Variants in HDAC8 observed in about 807,000 individuals in gnomAD.
HDAC8 encodes the protein histone deacetylase-like 1.
Under a neutral mutation model 32.2 loss-of-function variants are expected in HDAC8, and 1 was observed. The observed-to-expected ratio is 0.03, with a 90% CI of 0.01 to 0.15. HDAC8 has a LOEUF of 0.15. Among genes scored for constraint, HDAC8 ranks in the 10% least tolerant of loss-of-function variants. The pLI is 1.00. For missense variants in HDAC8, 117 were observed against 300.0 expected, an observed-to-expected ratio of 0.39 and a Z score of 4.51; for synonymous variants, 108 against 113.9, an observed-to-expected ratio of 0.95 and a Z score of 0.33.
At chrX:72,527,858 C>G (rs1361326999) in intron 4 of HDAC8, among the ~76,000 whole-genome samples, 1 of 105,786 alleles carries the variant, frequency 9.5e-6, no homozygotes, top group Non-Finnish European at 1.9e-5. Context: ...TCACTGCAAC[C>G]TCCGCCTCCT....
chrX:72,549,732 A>G (rs1347600078), intron 4 of HDAC8, among the ~76,000 whole-genome samples: 3 of 111,071 alleles, frequency 2.7e-5, no homozygotes, highest in African/African-American at 6.5e-5. Context: ...AATCTAGACC[A>G]CCCCTTCCTT....
chrX:72,495,513 C>T (rs1180429503), intron 4 of HDAC8, among the ~76,000 whole-genome samples: 1 of 111,830 alleles, frequency 8.9e-6, no homozygotes, highest in South Asian at 3.7e-4. Context: ...ATTTTCAAAG[C>T]ATTAGAATAT....
rs1413644649 is a variant in HDAC8, at chrX:72,444,964, C to A, written c.1005+17040G>T. On this transcript the variant is annotated intron_variant, in intron 9 of 10. Coordinates refer to ENST00000373573, the MANE Select transcript of HDAC8 (RefSeq NM_018486.3). ...CAAAGAGAATAAAATACCTAGGAATCCAACTTACAAGGGACGTGAAGGACC... is the reference window on the plus strand; with the variant it reads ...CAAAGAGAATAAAATACCTAGGAATACAACTTACAAGGGACGTGAAGGACC... Among the ~76,000 whole-genome samples, 27 of 105,042 alleles carry A rather than the reference C, an allele frequency of 2.6e-4. No homozygotes were observed. In the East Asian group the frequency reaches 5.8e-3, roughly 23 times the overall value. 91.2% of individuals were successfully genotyped at this position (105,042 alleles called of 115,157 possible). A position where few individuals can be genotyped will look rare whatever the true frequency, so the allele number is the denominator to read the frequency against.
chrX:72,480,807 A>T (rs1328931746), intron 7 of HDAC8, among the ~76,000 whole-genome samples: 3 of 111,310 alleles, frequency 2.7e-5, no homozygotes, highest in Non-Finnish European at 5.7e-5. Flanking sequence ...ACTGGAACAG[A>T]AAACCAAACA....
intron 9 of HDAC8, among the ~76,000 whole-genome samples, chrX:72,406,638 T>C (rs1483112420): frequency 8.9e-6 from 1 of 112,271 alleles, no homozygotes. Flanking sequence ...CCACAAAATC[T>C]CAGTAATAAT....
chrX:72,356,297 G>A (rs1246796665), intron 9 of HDAC8, among the ~76,000 whole-genome samples: 4 of 111,309 alleles, frequency 3.6e-5, no homozygotes, highest in African/African-American at 1.3e-4. Flanking sequence ...GGGAGGCAGA[G>A]AGTATGAAAC....
chrX:72,441,925 A>G (rs782170414), intron 9 of HDAC8, among the ~76,000 whole-genome samples: 347 of 111,952 alleles, frequency 3.1e-3, no homozygotes, highest in Non-Finnish European at 4.8e-3. Flanking sequence ...AACTGGAAGA[A>G]AGGGTATCAG....
At chrX:72,404,395 G>C (rs782458638) in intron 9 of HDAC8, among the ~76,000 whole-genome samples, 2 of 111,112 alleles carry the variant, frequency 1.8e-5, no homozygotes, top group Non-Finnish European at 3.8e-5. Context: ...TCTAATCCAT[G>C]ACAACATGAC....
intron 6 of HDAC8, among the ~76,000 whole-genome samples, chrX:72,490,562 A>G (rs782529858): frequency 6.6e-5 from 6 of 90,288 alleles, no homozygotes; most frequent in Admixed American, 2.8e-4. Context: ...ATGAGAACAC[A>G]TGGACACAGG....
intron 9 of HDAC8, among the ~76,000 whole-genome samples, chrX:72,423,443 T>C (rs1173580942): frequency 2.7e-5 from 3 of 111,960 alleles, no homozygotes; most frequent in African/African-American, 9.7e-5. Flanking sequence ...TAGTTGTTTT[T>C]CAATTTTTTA....
At chrX:72,570,649 CA>C (rs1357605736) in intron 2 of HDAC8, among the ~76,000 whole-genome samples, 6 of 105,204 alleles carry the variant, frequency 5.7e-5, no homozygotes, top group Non-Finnish European at 7.8e-5. Context: ...TTAAAAGGTA[CA>C]AAATGATTTT....
chrX:72,558,485 C>A (rs1356848312), intron 4 of HDAC8, among the ~76,000 whole-genome samples: 1 of 111,746 alleles, frequency 8.9e-6, no homozygotes, highest in South Asian at 3.7e-4. Flanking sequence ...AAACAAAAAT[C>A]GCATGATCAT....
At chrX:72,363,929 G>A (rs781951162) in intron 9 of HDAC8, among the ~76,000 whole-genome samples, 3 of 111,692 alleles carry the variant, frequency 2.7e-5, no homozygotes, top group Admixed American at 9.5e-5. Flanking sequence ...TTGACAACTC[G>A]GATCAATTGG....
chrX:72,549,339 G>A (rs948482624), intron 4 of HDAC8, among the ~76,000 whole-genome samples: 1 of 109,382 alleles, frequency 9.1e-6, no homozygotes, highest in Admixed American at 9.8e-5. Flanking sequence ...ATGCTTCCAA[G>A]GTGATTTTAT....
chrX:72,335,752 T>TA (rs1327261387), intron 10 of HDAC8, among the ~76,000 whole-genome samples: 1 of 109,021 alleles, frequency 9.2e-6, no homozygotes, highest in Admixed American at 9.8e-5. Flanking sequence ...CTCTACAAAA[T>TA]AAAAAAATTA....
At chrX:72,457,032 G>T (rs1375536263) in intron 9 of HDAC8, among the ~76,000 whole-genome samples, 1 of 111,257 alleles carries the variant, frequency 9.0e-6, no homozygotes, top group African/African-American at 3.3e-5. Flanking sequence ...ACCAAGCAGG[G>T]TTTATTCCAG....
At chrX:72,379,415 C>T (rs191746635) in intron 9 of HDAC8, among the ~76,000 whole-genome samples, 231 of 107,601 alleles carry the variant, frequency 2.1e-3, no homozygotes, top group African/African-American at 7.4e-3. Flanking sequence ...TTATATCATG[C>T]GGTAACTCTG....
At chrX:72,518,423 T>A (rs184682837) in intron 4 of HDAC8, among the ~76,000 whole-genome samples, 7 of 111,976 alleles carry the variant, frequency 6.3e-5, no homozygotes, top group African/African-American at 2.3e-4. Flanking sequence ...ATCATTTTTT[T>A]AAATTAGTAT....
intron 9 of HDAC8, among the ~76,000 whole-genome samples, chrX:72,407,561 G>A (rs1339020667): frequency 8.9e-6 from 1 of 111,963 alleles, no homozygotes; most frequent in African/African-American, 3.3e-5. Context: ...ACAACAATAA[G>A]GGAAATAGGG....
Sources: gnomAD v4.1 joint callset for allele counts (sites outside exome capture counted in the v4.1 genomes callset) on GRCh38, gnomAD v4.1.1 for gene constraint, MANE v1.5 for transcripts, NCBI Gene and HGNC (gene_info 2026-07-23, HGNC 2026-07-21) for gene names.